The following ATG10 variants were observed in gnomAD, a reference collection of about 807,000 sequenced individuals.
ATG10 encodes the protein autophagy related 10.
ATG10 carries 30 observed loss-of-function variants against 32.1 expected under a neutral mutation model. The ratio of observed to expected loss-of-function variants is 0.94; its 90% CI spans 0.70 to 1.27. The LOEUF is 1.27. ATG10 is among the 50% of genes most tolerant of loss of function. The pLI is 0.00. For missense variants in ATG10, 233 were observed against 262.3 expected (o/e 0.89, Z 0.77); for synonymous variants, 87 against 91.5 (o/e 0.95, Z 0.28).
intron 3 of ATG10, among the ~76,000 whole-genome samples, chr5:82,121,301 A>C (rs920753349): frequency 2.0e-5 from 3 of 152,168 alleles, no homozygotes; most frequent in Non-Finnish European, 4.4e-5. Context: ...TCACAGTTAG[A>C]CATAACTGGA....
At chr5:81,976,462 G>C (rs1460297050) in intron 1 of ATG10, 5 of 152,194 alleles carry the variant, frequency 3.3e-5, no homozygotes, top group Non-Finnish European at 7.3e-5. Context: ...AGTGCCCTGG[G>C]TTCCTACATA....
At chr5:82,009,080 T>C (rs533804643) in intron 2 of ATG10, among the ~76,000 whole-genome samples, 5 of 152,314 alleles carry the variant, frequency 3.3e-5, no homozygotes, top group African/African-American at 1.2e-4. Flanking sequence ...AACGTGGCAT[T>C]AGTACATCTT....
At chr5:82,163,113 G>T (rs149388727) in intron 3 of ATG10, among the ~76,000 whole-genome samples, 1 of 152,106 alleles carries the variant, frequency 6.6e-6, no homozygotes, top group East Asian at 1.9e-4. Context: ...AAAGAATTTG[G>T]TTAAAAGAAT....
intron 3 of ATG10, among the ~76,000 whole-genome samples, chr5:82,092,494 A>G (rs1322416570): frequency 1.3e-5 from 2 of 152,152 alleles, no homozygotes; most frequent in African/African-American, 4.8e-5. Context: ...TAGACTGGTT[A>G]AGCAGTTCTG....
chr5:82,213,105 C>G lies in ATG10; in HGVS notation c.453+34518C>G, dbSNP rs532750207. 1.2e-3 allele frequency among the ~76,000 whole-genome samples: 183 copies of G among 152,304 alleles called. 4 individuals carry two copies. The highest frequency in any genetic ancestry group is 2.5e-3 in the Admixed American group (38 of 15,298). On this transcript the variant is annotated intron_variant, in intron 5 of 7. Coordinates refer to ENST00000282185, the MANE Select transcript of ATG10 (RefSeq NM_031482.5). Reference sequence around the variant, plus strand: ...CCACTGTCTTCCCAGCTTCTCAGGCCAAAATAACCAGTGATGCCTTTGATT... The same window carrying G: ...CCACTGTCTTCCCAGCTTCTCAGGCGAAAATAACCAGTGATGCCTTTGATT...
intron 1 of ATG10, among the ~76,000 whole-genome samples, chr5:81,977,690 A>T (rs910024431): frequency 1.3e-5 from 2 of 152,080 alleles, no homozygotes; most frequent in African/African-American, 4.8e-5. Flanking sequence ...GTTGGCCCTT[A>T]CTCAAATTTC....
chr5:82,144,337 A>G (rs554064890), intron 3 of ATG10, among the ~76,000 whole-genome samples: 11 of 151,180 alleles, frequency 7.3e-5, no homozygotes, highest in Admixed American at 2.0e-4. Context: ...TTTTGTGCTT[A>G]TCTTTGTTAT....
intron 4 of ATG10, among the ~76,000 whole-genome samples, chr5:82,165,761 A>G (rs1386168068): frequency 6.6e-6 from 1 of 152,194 alleles, no homozygotes; most frequent in African/African-American, 2.4e-5. Context: ...CTTGTCAGTG[A>G]GCTGTGCTAT....
chr5:82,130,794 A>G (rs1357842365), intron 3 of ATG10, among the ~76,000 whole-genome samples: 1 of 152,122 alleles, frequency 6.6e-6, no homozygotes, highest in South Asian at 2.1e-4. Context: ...CTGTTTGGCC[A>G]TCTTGCCAGC....
At chr5:81,975,802 G>A (rs1478897270) in intron 1 of ATG10, among the ~76,000 whole-genome samples, 2 of 151,514 alleles carry the variant, frequency 1.3e-5, no homozygotes, top group Non-Finnish European at 2.9e-5. Flanking sequence ...TACTTTTGTA[G>A]CTTAGAGTTT....
At chr5:82,174,653 A>G (rs538358776) in intron 4 of ATG10, among the ~76,000 whole-genome samples, 16 of 152,232 alleles carry the variant, frequency 1.1e-4, no homozygotes, top group Non-Finnish European at 2.2e-4. Context: ...AGGCAGTTCC[A>G]TTGACAGAAT....
chr5:82,195,214 T>C (rs1219646457), intron 5 of ATG10, among the ~76,000 whole-genome samples: 2 of 152,200 alleles, frequency 1.3e-5, no homozygotes, highest in Admixed American at 6.5e-5. Flanking sequence ...CCTATGTTAC[T>C]TGAAAAAAAT....
intron 3 of ATG10, among the ~76,000 whole-genome samples, chr5:82,099,012 G>A (rs1765170655): frequency 2.0e-5 from 3 of 152,186 alleles, no homozygotes; most frequent in African/African-American, 7.2e-5. Context: ...CCAAAAGCTA[G>A]ACAAAACTGT....
chr5:82,169,276 G>C (rs985526013), intron 4 of ATG10, among the ~76,000 whole-genome samples: 4 of 149,902 alleles, frequency 2.7e-5, no homozygotes, highest in Non-Finnish European at 5.9e-5. Context: ...TTGTGCCTGA[G>C]TAAAACAGAA....
Position 82,225,970 on chromosome 5 carries a change from G to A in ATG10, c.454-26592G>A, listed in dbSNP as rs139821594. ...AGTAGCATCTTAGAGTGAGTTATAC[G>A]TATTTAACTTCTTTAGTGGAAGAAG... On this transcript the variant is annotated intron_variant, in intron 5 of 7. Coordinates refer to ENST00000282185, the MANE Select transcript of ATG10 (RefSeq NM_031482.5). 1.9e-3 allele frequency among the ~76,000 whole-genome samples: 285 copies of A among 152,284 alleles called. 1 individual carries two copies. The highest frequency in any genetic ancestry group is 6.5e-3 in the African/African-American group (272 of 41,556).
rs1382982420 is a variant in ATG10 at position 82,164,519 on chromosome 5, T to G, written c.337T>G (p.Phe113Val). The G allele has an allele frequency of 5.6e-6, 9 of 1,612,266 alleles. No individual in the cohort carries two copies. Among genetic ancestry groups the G allele is most frequent in the Non-Finnish European group, 7.6e-6 (9 of 1,179,022 alleles). Residue 113 changes from phenylalanine (F) to valine (V), a missense_variant, in exon 4 of 8, where the codon TTT becomes GTT. Coordinates refer to ENST00000282185, the MANE Select transcript of ATG10 (RefSeq NM_031482.5). ...TAGCTACCAAGTGCCTGTACTTTAC[T>G]TTAGGGCAAGCTTTTTAGGTAAGAA... ...SCSYQVPVLY[F>V]RASFLDGRPL...
intron 2 of ATG10, among the ~76,000 whole-genome samples, chr5:82,003,671 C>T (rs998543500): frequency 6.6e-6 from 1 of 152,186 alleles, no homozygotes; most frequent in Non-Finnish European, 1.5e-5. Flanking sequence ...TCCAATCCAA[C>T]CCATTGAACA....
chr5:81,986,513 A>T (rs1761278602), intron 1 of ATG10, among the ~76,000 whole-genome samples: 1 of 152,144 alleles, frequency 6.6e-6, no homozygotes, highest in South Asian at 2.1e-4. Flanking sequence ...CTGCTACTTA[A>T]TAGATATTCA....
At chr5:82,146,247 G>C (rs1361928807) in intron 3 of ATG10, among the ~76,000 whole-genome samples, 4 of 151,854 alleles carry the variant, frequency 2.6e-5, no homozygotes, top group Non-Finnish European at 5.9e-5. Flanking sequence ...ATTTTTCTAT[G>C]GCTTTTTGGC....
Sources: allele counts gnomAD v4.1 joint callset (sites outside exome capture counted in the v4.1 genomes callset), GRCh38; gene constraint gnomAD v4.1.1; transcripts MANE v1.5; gene names NCBI Gene and HGNC (gene_info 2026-07-23, HGNC 2026-07-21).